ZNF735: variants seen among roughly 807,000 people sequenced by gnomAD.
ZNF735 encodes the protein putative zinc finger protein 735.
ZNF735 carries 11 observed loss-of-function variants against 13.4 expected under a neutral mutation model. That is an observed-to-expected ratio of 0.82 (90% CI 0.52 to 1.36). The LOEUF (loss-of-function observed/expected upper bound fraction) is 1.36, where lower values mean the gene tolerates loss of function less well. ZNF735 is among the 40% of genes most tolerant of loss of function. The pLI is 0.00. For synonymous variants in ZNF735, 171 were observed against 162.6 expected, an observed-to-expected ratio of 1.05 and a Z score of -0.39; for missense variants, 500 against 484.6, an observed-to-expected ratio of 1.03 and a Z score of -0.30.
chr7:64,213,747 TCAGGAGTTCGAGAC>T (rs1342109280), intron 2 of ZNF735, among the ~76,000 whole-genome samples: 1 of 151,982 alleles, frequency 6.6e-6, no homozygotes, highest in Admixed American at 6.6e-5. Flanking sequence ...GATCACAAGG[TCAGGAGTTCGAGAC>T]CAGCCTGGCT....
At chr7:64,207,406 G>C (rs1314240757) in intron 1 of ZNF735, among the ~76,000 whole-genome samples, 165 bp downstream of exon 1, 1 of 152,216 alleles carries the variant, frequency 6.6e-6, no homozygotes, top group Non-Finnish European at 1.5e-5. Flanking sequence ...CCCTAAGATG[G>C]TGCCTGGGCC....
At chr7:64,219,273 G>C (rs1184211571) in intron 3 of ZNF735, 41 bp from the exon 4 acceptor site, 2 of 1,588,758 alleles carry the variant, frequency 1.3e-6, no homozygotes, top group South Asian at 2.3e-5. Context: ...ATTTATCTGA[G>C]TCTAGTAAGT....
intron 3 of ZNF735, among the ~76,000 whole-genome samples, chr7:64,216,887 T>C: frequency 6.6e-6 from 1 of 152,220 alleles, no homozygotes; most frequent in African/African-American, 2.4e-5. Flanking sequence ...GTTACACCTG[T>C]GAGCCACTGC....
exon 4 of ZNF735, chr7:64,219,419 T>C: frequency 6.2e-7 from 1 of 1,613,964 alleles, no homozygotes; most frequent in Non-Finnish European, 8.5e-7. Flanking sequence ...CATGAGAATT[T>C]ACAATTAAAA....
chr7:64,208,501 C>T (rs1787320747), intron 1 of ZNF735, among the ~76,000 whole-genome samples: 1 of 152,194 alleles, frequency 6.6e-6, no homozygotes, highest in Admixed American at 6.5e-5. Context: ...AGGTGATCTG[C>T]CTGCCTCAGC....
At chr7:64,208,055 G>C (rs1248631852) in intron 1 of ZNF735, among the ~76,000 whole-genome samples, 1 of 151,930 alleles carries the variant, frequency 6.6e-6, no homozygotes, top group Non-Finnish European at 1.5e-5. Context: ...GGAGAGACTT[G>C]AAGAAAAGTC....
chr7:64,216,279 G>A (rs1248661552), intron 3 of ZNF735, among the ~76,000 whole-genome samples: 1 of 149,172 alleles, frequency 6.7e-6, no homozygotes, highest in African/African-American at 2.5e-5. Context: ...CTGAGCAACA[G>A]AGTGAGACTC....
At chr7:64,213,103 A>T (rs117854459) in exon 2 of ZNF735, 2 of 1,611,998 alleles carry the variant, frequency 1.2e-6, no homozygotes, top group South Asian at 2.2e-5. Context: ...GACTGTTGAC[A>T]TTCAGAGACA....
chr7:64,219,330 C>T (rs1313623039), exon 4 of ZNF735: 2 of 1,612,494 alleles, frequency 1.2e-6, no homozygotes, highest in Non-Finnish European at 1.7e-6. Context: ...GTTCTCATTT[C>T]AACCAAGACC....
At chr7:64,208,769 A>G (rs75321184) in intron 1 of ZNF735, among the ~76,000 whole-genome samples, 5,919 of 152,168 alleles carry the variant, frequency 0.039, 182 homozygotes, top group East Asian at 0.16. Flanking sequence ...TCTTATTTGC[A>G]TCCATGTATT....
chr7:64,211,886 AAAAAATAT>A (rs1394978733), intron 1 of ZNF735, among the ~76,000 whole-genome samples: 14 of 73,488 alleles, frequency 1.9e-4, no homozygotes, highest in African/African-American at 7.9e-4. Flanking sequence ...GAAAAAAGAA[AAAAAATAT>A]ATATATATAT....
At chr7:64,209,466 A>T (rs559520144) in intron 1 of ZNF735, among the ~76,000 whole-genome samples, 4 of 151,526 alleles carry the variant, frequency 2.6e-5, no homozygotes, top group African/African-American at 9.7e-5. Flanking sequence ...TCCTGGGATT[A>T]CAGGCATGTA....
exon 3 of ZNF735, chr7:64,214,061 A>C: frequency 6.2e-7 from 1 of 1,600,780 alleles, no homozygotes. Flanking sequence ...GAGCAAAATA[A>C]AGAGCCCCAG....
intron 1 of ZNF735, among the ~76,000 whole-genome samples, chr7:64,209,186 A>G (rs984952579): frequency 2.7e-5 from 4 of 150,778 alleles, no homozygotes; most frequent in Non-Finnish European, 4.4e-5. Context: ...CCAGCAGCGT[A>G]TAAGCATTCA....
At chr7:64,219,638 T>C (rs1434269446) in exon 4 of ZNF735, 25 of 1,580,008 alleles carry the variant, frequency 1.6e-5, no homozygotes, top group Non-Finnish European at 2.0e-5. Context: ...TCATTTTGCA[T>C]GTTTTCACAC....
chr7:64,208,946 A>C (rs1243228582), intron 1 of ZNF735, among the ~76,000 whole-genome samples: 1 of 152,152 alleles, frequency 6.6e-6, no homozygotes, highest in Admixed American at 6.5e-5. Context: ...TATGTAACAC[A>C]TTTTCTTTAT....
chr7:64,219,414 G>T, exon 4 of ZNF735: 2 of 1,613,892 alleles, frequency 1.2e-6, no homozygotes, highest in African/African-American at 1.3e-5. Flanking sequence ...GTGGACATGA[G>T]AATTTACAAT....
chr7:64,213,757 G>A (rs1022450717), intron 2 of ZNF735, among the ~76,000 whole-genome samples: 4 of 151,962 alleles, frequency 2.6e-5, no homozygotes, highest in East Asian at 1.9e-4. Flanking sequence ...TCAGGAGTTC[G>A]AGACCAGCCT....
exon 2 of ZNF735, chr7:64,213,138 A>T: frequency 1.2e-6 from 2 of 1,612,528 alleles, no homozygotes; most frequent in Non-Finnish European, 1.7e-6. Flanking sequence ...TCTCTGGCGG[A>T]GTGGCAATGC....
Sources: allele counts gnomAD v4.1 joint callset (sites outside exome capture counted in the v4.1 genomes callset), GRCh38; gene constraint gnomAD v4.1.1; transcripts MANE v1.5; gene names NCBI Gene and HGNC (gene_info 2026-07-23, HGNC 2026-07-21).